The following PRKCE variants were observed in gnomAD, a reference collection of about 807,000 sequenced individuals.
PRKCE encodes the protein protein kinase C epsilon type.
A neutral mutation model predicts 85.4 loss-of-function variants in PRKCE; 16 were observed. That is an observed-to-expected ratio of 0.19 (90% CI 0.13 to 0.28). The LOEUF is 0.28. Among genes scored for constraint, PRKCE ranks in the 10% least tolerant of loss-of-function variants. PRKCE has a pLI of 1.00. For missense variants in PRKCE, 573 were observed against 975.2 expected, an observed-to-expected ratio of 0.59 and a Z score of 5.49; for synonymous variants, 388 against 371.5, an observed-to-expected ratio of 1.04 and a Z score of -0.51.
chr2:45,925,666 G>A (rs115101350), intron 2 of PRKCE, among the ~76,000 whole-genome samples: 1,782 of 152,326 alleles, frequency 0.012, 13 homozygotes, highest in African/African-American at 0.013. Flanking sequence ...ACATCCATCC[G>A]AGTAGTGAAC....
intron 10 of PRKCE, among the ~76,000 whole-genome samples, chr2:46,027,472 T>A (rs916930247): frequency 7.9e-5 from 12 of 152,220 alleles, no homozygotes; most frequent in African/African-American, 2.9e-4. Flanking sequence ...CCATGTTCTA[T>A]CTGTCAAGGT....
intron 5 of PRKCE, among the ~76,000 whole-genome samples, chr2:45,982,871 CT>C (rs912764798): frequency 9.2e-5 from 14 of 152,192 alleles, no homozygotes; most frequent in Non-Finnish European, 1.5e-5. Flanking sequence ...ACTTTTTCGC[CT>C]TAGTCTGTCA....
intron 2 of PRKCE, among the ~76,000 whole-genome samples, chr2:45,875,324 C>A (rs1463443892): frequency 1.3e-5 from 2 of 152,270 alleles, no homozygotes; most frequent in Non-Finnish European, 2.9e-5. Flanking sequence ...TTAGCATTTT[C>A]ATCTATTGCC....
chr2:45,714,464 T>G (rs532816993), intron 1 of PRKCE, among the ~76,000 whole-genome samples: 40 of 152,340 alleles, frequency 2.6e-4, no homozygotes, highest in African/African-American at 9.6e-4. Context: ...AAGAACTTGA[T>G]GTGCTCAAGG....
At chr2:45,951,286 A>G (rs1181295383) in intron 2 of PRKCE, among the ~76,000 whole-genome samples, 3 of 152,090 alleles carry the variant, frequency 2.0e-5, no homozygotes, top group Non-Finnish European at 4.4e-5. Context: ...GACAACTTTA[A>G]CCTAAGGCTC....
At chr2:46,027,027 G>T (rs532808647) in intron 10 of PRKCE, among the ~76,000 whole-genome samples, 1 of 152,110 alleles carries the variant, frequency 6.6e-6, no homozygotes, top group Non-Finnish European at 1.5e-5. Context: ...AAATTAGCCT[G>T]GCACGGTGAT....
chr2:45,753,410 A>G (rs1041329392), intron 1 of PRKCE, among the ~76,000 whole-genome samples: 1 of 152,266 alleles, frequency 6.6e-6, no homozygotes, highest in Non-Finnish European at 1.5e-5. Flanking sequence ...GACTGAAACT[A>G]AACTAAAACA....
At chr2:45,741,608 G>T (rs1051072540) in intron 1 of PRKCE, among the ~76,000 whole-genome samples, 2 of 152,250 alleles carry the variant, frequency 1.3e-5, no homozygotes, top group African/African-American at 4.8e-5. Flanking sequence ...TGCCGGCTCA[G>T]CCTGGCAGAT....
intron 11 of PRKCE, among the ~76,000 whole-genome samples, chr2:46,106,241 A>T (rs576298349): frequency 1.3e-5 from 2 of 152,342 alleles, no homozygotes; most frequent in Admixed American, 1.3e-4. Context: ...ATTTGAGCTC[A>T]CACCGATGTC....
chr2:46,009,749 C>T (rs1009555653), intron 9 of PRKCE, among the ~76,000 whole-genome samples: 17 of 152,090 alleles, frequency 1.1e-4, no homozygotes, highest in Non-Finnish European at 7.4e-5. Flanking sequence ...AACTGAAGTG[C>T]CTAATTTGAG....
At chr2:46,040,628 T>A (rs1574309328) in intron 10 of PRKCE, among the ~76,000 whole-genome samples, 1 of 152,156 alleles carries the variant, frequency 6.6e-6, no homozygotes, top group Non-Finnish European at 1.5e-5. Context: ...GTACTGTAGA[T>A]TGCTAACAAT....
chr2:46,176,561 G>A (rs1679451836), intron 14 of PRKCE, among the ~76,000 whole-genome samples: 1 of 152,112 alleles, frequency 6.6e-6, no homozygotes, highest in African/African-American at 2.4e-5. Flanking sequence ...ATAGTTTGTG[G>A]ACATTTAGGG....
intron 14 of PRKCE, among the ~76,000 whole-genome samples, chr2:46,183,192 T>C (rs929393334): frequency 1.3e-5 from 2 of 152,228 alleles, no homozygotes. Context: ...AAAAAAGTTT[T>C]AGGTCAAGTT....
chr2:46,142,696 C>A (rs570549567), intron 11 of PRKCE, among the ~76,000 whole-genome samples: 1 of 152,212 alleles, frequency 6.6e-6, no homozygotes, highest in Non-Finnish European at 1.5e-5. Flanking sequence ...GGGTGAGCAT[C>A]TGGGGCCAGT....
intron 2 of PRKCE, among the ~76,000 whole-genome samples, chr2:45,908,902 C>T (rs911819437): frequency 2.6e-5 from 4 of 152,124 alleles, no homozygotes; most frequent in African/African-American, 4.8e-5. Flanking sequence ...CTCTGAGCCC[C>T]GCAGTCCTCT....
intron 4 of PRKCE, 40 bp from the exon 5 acceptor site, chr2:45,980,256 C>G: frequency 1.9e-6 from 3 of 1,575,550 alleles, no homozygotes; most frequent in Non-Finnish European, 2.6e-6. Flanking sequence ...CACTCCCTTT[C>G]CTGAGTGTCA....
intron 6 of PRKCE, among the ~76,000 whole-genome samples, chr2:45,985,626 A>G (rs1703260017): frequency 6.6e-6 from 1 of 152,204 alleles, no homozygotes. Flanking sequence ...ATGAGAAACT[A>G]TGAGAATTGG....
chr2:46,153,376 C>T lies in PRKCE; in HGVS notation c.1920+2147C>T, dbSNP rs1156680178. ...CTATGCCAGGCGCTGGTGATACAAA[C>T]AACACAGTCCCTGCTTACAGACTAG... On this transcript the variant is annotated intron_variant, in intron 13 of 14. Transcript: ENST00000306156. Among the ~76,000 whole-genome samples the T allele has an allele frequency of 3.3e-5, 5 of 152,122 alleles. No homozygotes were observed. The South Asian group carries it at 1.0e-3, about 31-fold the overall frequency.
chr2:46,030,102 A>G (rs992942220), intron 10 of PRKCE, among the ~76,000 whole-genome samples: 8 of 152,130 alleles, frequency 5.3e-5, no homozygotes, highest in African/African-American at 1.7e-4. Flanking sequence ...GACTGAGCTG[A>G]TCACTCCCTG....
Sources: allele counts gnomAD v4.1 joint callset (sites outside exome capture counted in the v4.1 genomes callset), GRCh38; gene constraint gnomAD v4.1.1; transcripts MANE v1.5; gene names NCBI Gene and HGNC (gene_info 2026-07-23, HGNC 2026-07-21).